Variants in ARHGAP15 observed in about 807,000 individuals in gnomAD.
ARHGAP15 encodes rho GTPase-activating protein 15.
Under a neutral mutation model 63.7 loss-of-function variants are expected in ARHGAP15, and 51 were observed. The ratio of observed to expected loss-of-function variants is 0.80; its 90% CI spans 0.64 to 1.01. The LOEUF (loss-of-function observed/expected upper bound fraction) is 1.01. Among genes scored for constraint, ARHGAP15 ranks in the 50% least tolerant of loss-of-function variants. The probability of loss-of-function intolerance (pLI) is 0.00; values close to 1 mark genes in which losing one functional copy is unlikely to be tolerated. For missense variants in ARHGAP15, 560 were observed against 564.6 expected (o/e 0.99, Z 0.08); for synonymous variants, 191 against 193.8 (o/e 0.99, Z 0.12).
intron 2 of ARHGAP15, among the ~76,000 whole-genome samples, chr2:143,168,026 A>C (rs549827013): frequency 6.6e-6 from 1 of 152,262 alleles, no homozygotes; most frequent in South Asian, 2.1e-4. Flanking sequence ...GAAAACTTAG[A>C]AGTTGACAGC....
chr2:143,226,354 T>C (rs888412462), intron 4 of ARHGAP15, among the ~76,000 whole-genome samples: 2 of 152,178 alleles, frequency 1.3e-5, no homozygotes, highest in Admixed American at 6.5e-5. Flanking sequence ...GCAAATAAGG[T>C]ATAGTGTCTC....
intron 13 of ARHGAP15, among the ~76,000 whole-genome samples, chr2:143,719,151 T>C (rs773923046): frequency 2.0e-5 from 3 of 152,222 alleles, no homozygotes; most frequent in Non-Finnish European, 2.9e-5. Context: ...AAAACACCTC[T>C]TTTCCTGCTC....
chr2:143,417,166 A>G (rs964360635), intron 6 of ARHGAP15, among the ~76,000 whole-genome samples: 2 of 151,938 alleles, frequency 1.3e-5, no homozygotes. Flanking sequence ...GTCTTAAGTC[A>G]GGTCTCTTTA....
intron 12 of ARHGAP15, among the ~76,000 whole-genome samples, chr2:143,656,414 A>G (rs1475318327): frequency 6.6e-6 from 1 of 152,208 alleles, no homozygotes; most frequent in Non-Finnish European, 1.5e-5. Flanking sequence ...TAGGCTAGTC[A>G]ATTACTTGTG....
At chr2:143,381,852 TA>T (rs1260449081) in intron 6 of ARHGAP15, among the ~76,000 whole-genome samples, 1 of 152,300 alleles carries the variant, frequency 6.6e-6, no homozygotes, top group African/African-American at 2.4e-5. Context: ...TTAGATTTTT[TA>T]AAAAAAGCAT....
chr2:143,185,106 T>C (rs1277128149), intron 2 of ARHGAP15, among the ~76,000 whole-genome samples: 2 of 152,164 alleles, frequency 1.3e-5, no homozygotes, highest in Non-Finnish European at 2.9e-5. Context: ...TTTCACAAAA[T>C]GAGTTTAATA....
chr2:143,470,168 T>A (rs1691449260), intron 8 of ARHGAP15, among the ~76,000 whole-genome samples: 1 of 152,078 alleles, frequency 6.6e-6, no homozygotes, highest in Non-Finnish European at 1.5e-5. Context: ...AAATTTAACT[T>A]TTTTTATTTT....
intron 2 of ARHGAP15, among the ~76,000 whole-genome samples, chr2:143,166,627 G>A (rs964404982): frequency 9.2e-5 from 14 of 152,032 alleles, no homozygotes; most frequent in African/African-American, 1.9e-4. Context: ...TGTCAAGTAC[G>A]TTGCATTTTA....
chr2:143,522,240 C>T (rs1694088696), intron 10 of ARHGAP15, among the ~76,000 whole-genome samples: 1 of 152,126 alleles, frequency 6.6e-6, no homozygotes, highest in Admixed American at 6.6e-5. Flanking sequence ...TTCTCCTTCT[C>T]ACCAACTATT....
chr2:143,726,175 A>G (rs1278442788), intron 13 of ARHGAP15, among the ~76,000 whole-genome samples: 1 of 152,256 alleles, frequency 6.6e-6, no homozygotes, highest in African/African-American at 2.4e-5. Context: ...TTTCATATGA[A>G]GATCTGCAAA....
At chr2:143,515,197 C>G (rs1693759552) in intron 9 of ARHGAP15, among the ~76,000 whole-genome samples, 1 of 148,830 alleles carries the variant, frequency 6.7e-6, no homozygotes, top group Non-Finnish European at 1.5e-5. Flanking sequence ...ACCCCCCCAC[C>G]CTCCCTTTTC....
intron 8 of ARHGAP15, among the ~76,000 whole-genome samples, chr2:143,476,400 C>T (rs933091383): frequency 1.4e-4 from 22 of 152,124 alleles, no homozygotes; most frequent in African/African-American, 5.1e-4. Context: ...AGGCACAATG[C>T]AAATTCAAAT....
chr2:143,544,950 G>A (rs368015524), intron 10 of ARHGAP15, among the ~76,000 whole-genome samples: 23 of 152,318 alleles, frequency 1.5e-4, no homozygotes, highest in African/African-American at 5.3e-4. Flanking sequence ...AAGCTCAAAT[G>A]TCTCAGCTTC....
At chr2:143,135,614 T>G (rs889115254) in intron 1 of ARHGAP15, among the ~76,000 whole-genome samples, 1 of 152,206 alleles carries the variant, frequency 6.6e-6, no homozygotes, top group Non-Finnish European at 1.5e-5. Flanking sequence ...CCAAATCTAA[T>G]AGCCATTTAT....
intron 6 of ARHGAP15, among the ~76,000 whole-genome samples, chr2:143,297,028 T>G (rs187625049): frequency 6.6e-6 from 1 of 152,084 alleles, no homozygotes; most frequent in Admixed American, 6.6e-5. Context: ...TATTATAGAT[T>G]GTAAAGCTAG....
chr2:143,730,892 TAAAAAAAAAAAAAAAA>T (rs1158246680), intron 13 of ARHGAP15, among the ~76,000 whole-genome samples: 1 of 84,052 alleles, frequency 1.2e-5, no homozygotes, highest in Non-Finnish European at 2.2e-5. Context: ...AGCACTCCTT[TAAAAAAAAAAAAAAAA>T]AAAAAAAAAA....
At chr2:143,143,441 A>G (rs1257893191) in intron 1 of ARHGAP15, among the ~76,000 whole-genome samples, 1 of 152,040 alleles carries the variant, frequency 6.6e-6, no homozygotes, top group East Asian at 1.9e-4. Context: ...TGAACTGGCA[A>G]ATATTTTTTC....
intron 2 of ARHGAP15, among the ~76,000 whole-genome samples, chr2:143,178,658 T>C (rs1194882338): frequency 6.6e-6 from 1 of 152,202 alleles, no homozygotes; most frequent in Non-Finnish European, 1.5e-5. Context: ...TGTGTCTCGC[T>C]GTGTTGCCCT....
intron 6 of ARHGAP15, among the ~76,000 whole-genome samples, chr2:143,384,618 G>A (rs1687195019): frequency 6.6e-6 from 1 of 151,816 alleles, no homozygotes; most frequent in African/African-American, 2.4e-5. Context: ...TAACCCACCT[G>A]CATAAGTAAA....
Sources: allele counts gnomAD v4.1 joint callset (sites outside exome capture counted in the v4.1 genomes callset), GRCh38; gene constraint gnomAD v4.1.1; transcripts MANE v1.5; gene names NCBI Gene and HGNC (gene_info 2026-07-23, HGNC 2026-07-21).